The following ARHGAP15 variants were observed in gnomAD, a reference collection of about 807,000 sequenced individuals.
ARHGAP15 encodes Rho GTPase activating protein 15.
Under a neutral mutation model 63.7 loss-of-function variants are expected in ARHGAP15, and 51 were observed. The ratio of observed to expected loss-of-function variants is 0.80; its 90% CI spans 0.64 to 1.01. The LOEUF (loss-of-function observed/expected upper bound fraction) is 1.01. ARHGAP15 is among the 50% of genes least tolerant of loss of function. The pLI, the probability that ARHGAP15 is intolerant of heterozygous loss-of-function variation, is 0.00. For missense variants in ARHGAP15, 560 were observed against 564.6 expected (o/e 0.99, Z 0.08); for synonymous variants, 191 against 193.8 (o/e 0.99, Z 0.12).
At chr2:143,661,757 C>G (rs1681795989) in intron 12 of ARHGAP15, among the ~76,000 whole-genome samples, 1 of 152,204 alleles carries the variant, frequency 6.6e-6, no homozygotes, top group African/African-American at 2.4e-5. Context: ...CATTGCCTCA[C>G]TTGGGAAGCG....
chr2:143,327,327 T>C (rs1053146079), intron 6 of ARHGAP15, among the ~76,000 whole-genome samples: 4 of 152,206 alleles, frequency 2.6e-5, no homozygotes, highest in African/African-American at 9.7e-5. Context: ...CGGCCCAAAG[T>C]AATTTATGGA....
intron 12 of ARHGAP15, among the ~76,000 whole-genome samples, chr2:143,627,282 G>T (rs978355518): frequency 1.3e-5 from 2 of 152,150 alleles, no homozygotes; most frequent in Non-Finnish European, 2.9e-5. Context: ...AAAACAGAGG[G>T]ATCAACCAAC....
chr2:143,678,807 A>G (rs778798278), intron 12 of ARHGAP15, among the ~76,000 whole-genome samples: 1 of 152,158 alleles, frequency 6.6e-6, no homozygotes, highest in Non-Finnish European at 1.5e-5. Context: ...AACTTCACTG[A>G]TTGTATTTTC....
At chr2:143,192,080 T>C (rs1201329435) in intron 2 of ARHGAP15, among the ~76,000 whole-genome samples, 1 of 152,262 alleles carries the variant, frequency 6.6e-6, no homozygotes, top group Non-Finnish European at 1.5e-5. Flanking sequence ...TAGTCTTGAC[T>C]TCAAACAGTA....
intron 1 of ARHGAP15, among the ~76,000 whole-genome samples, chr2:143,136,695 A>C (rs1038064542): frequency 5.9e-5 from 9 of 152,096 alleles, no homozygotes; most frequent in African/African-American, 2.2e-4. Context: ...GAAAGAGAAA[A>C]TGTAATAAAT....
rs970470604 is a variant in ARHGAP15 at position 143,374,571 on chromosome 2, C to T, written c.475-61030C>T. On this transcript the variant is annotated intron_variant, in intron 6 of 13. Coordinates refer to ENST00000295095, the MANE Select transcript of ARHGAP15 (RefSeq NM_018460.4). ...TCAGGCTGAATTGCAGTGATGTGAT[C>T]TTGGCTCACTGCAGCCTCAACTCCC... 5.9e-5 allele frequency among the ~76,000 whole-genome samples: 9 copies of T among 152,194 alleles called. No individual in the cohort carries two copies. The East Asian group carries it at 1.7e-3, about 29-fold the overall frequency.
intron 6 of ARHGAP15, among the ~76,000 whole-genome samples, chr2:143,418,745 AG>A (rs1436601254): frequency 6.6e-6 from 1 of 152,172 alleles, no homozygotes; most frequent in Non-Finnish European, 1.5e-5. Flanking sequence ...TTTGAATTGC[AG>A]GGGCCCATTA....
rs13035524 is a variant in ARHGAP15 at position 143,429,365 on chromosome 2, C to T, written c.475-6236C>T. ...TTATGCAGAACAAATCTCTGTTGTA[C>T]GAATGCATGGACAAAATTATTTGGG... On this transcript the variant is annotated intron_variant, in intron 6 of 13. Transcript: ENST00000295095. 2.6e-3 allele frequency among the ~76,000 whole-genome samples: 399 copies of T among 151,882 alleles called. 1 individual carries two copies. The highest frequency in any genetic ancestry group is 6.8e-3 in the Middle Eastern group (2 of 294).
In ARHGAP15 at chr2:143,156,695, C is replaced by T. The variant is rs888143699; in HGVS notation, c.165+1040C>T. 2.0e-5 allele frequency among the ~76,000 whole-genome samples: 3 copies of T among 151,914 alleles called. No homozygotes were observed. The South Asian group carries it at 6.2e-4, about 31-fold the overall frequency. ...TATGTGATTTTAATCATTCTTTCCT[C>T]AGGTGTTGTAGACAAATTTAGCATG... is the stretch of plus-strand genomic sequence containing the variant. On this transcript the variant is annotated intron_variant, in intron 2 of 13. Coordinates refer to ENST00000295095, the MANE Select transcript of ARHGAP15 (RefSeq NM_018460.4).
chr2:143,543,925 C>G (rs956397824), intron 10 of ARHGAP15, among the ~76,000 whole-genome samples: 1 of 152,082 alleles, frequency 6.6e-6, no homozygotes, highest in African/African-American at 2.4e-5. Flanking sequence ...TTAGGTCTCT[C>G]CTAGACCACT....
At chr2:143,338,678 A>G (rs1361465511) in intron 6 of ARHGAP15, among the ~76,000 whole-genome samples, 1 of 152,154 alleles carries the variant, frequency 6.6e-6, no homozygotes, top group Non-Finnish European at 1.5e-5. Flanking sequence ...CAAACTCTTT[A>G]AGGTAAAATC....
chr2:143,479,308 T>C (rs1442356259), intron 8 of ARHGAP15, among the ~76,000 whole-genome samples: 1 of 151,754 alleles, frequency 6.6e-6, no homozygotes, highest in African/African-American at 2.4e-5. Flanking sequence ...ACCTCTCTGG[T>C]GGAATTACCA....
At chr2:143,432,941 C>T (rs1338265811) in intron 6 of ARHGAP15, among the ~76,000 whole-genome samples, 1 of 151,936 alleles carries the variant, frequency 6.6e-6, no homozygotes, top group South Asian at 2.1e-4. Context: ...TCCCCTTACC[C>T]CAGCATCTGT....
chr2:143,649,137 T>C (rs575247235), intron 12 of ARHGAP15, among the ~76,000 whole-genome samples: 8 of 151,866 alleles, frequency 5.3e-5, no homozygotes, highest in Admixed American at 1.3e-4. Flanking sequence ...GCAAAACCTC[T>C]CTCTAGCAAC....
At chr2:143,695,621 A>C (rs1202084294) in intron 12 of ARHGAP15, among the ~76,000 whole-genome samples, 1 of 152,112 alleles carries the variant, frequency 6.6e-6, no homozygotes, top group African/African-American at 2.4e-5. Flanking sequence ...GTATCCCAAC[A>C]CTTTGGAAGG....
intron 11 of ARHGAP15, among the ~76,000 whole-genome samples, chr2:143,606,503 C>T (rs1698037069): frequency 6.6e-6 from 1 of 152,142 alleles, no homozygotes; most frequent in Admixed American, 6.5e-5. Context: ...GCCTTTTTAA[C>T]ACCCCAGTCT....
chr2:143,341,268 A>C (rs1028870304), intron 6 of ARHGAP15, among the ~76,000 whole-genome samples: 2 of 152,072 alleles, frequency 1.3e-5, no homozygotes, highest in African/African-American at 4.8e-5. Flanking sequence ...CCTGAACCAT[A>C]GCCTACTCAT....
chr2:143,558,040 G>A (rs1695880617), intron 11 of ARHGAP15, among the ~76,000 whole-genome samples: 1 of 152,028 alleles, frequency 6.6e-6, no homozygotes, highest in Non-Finnish European at 1.5e-5. Context: ...ATGACACTTA[G>A]GAATGTGACA....
In ARHGAP15 at chr2:143,621,258, T is replaced by A. The variant is rs575897312; in HGVS notation, c.1004-2875T>A. 3.3e-5 allele frequency among the ~76,000 whole-genome samples: 5 copies of A among 152,296 alleles called. No individual in the cohort carries two copies. In the East Asian group the frequency reaches 9.6e-4, roughly 29 times the overall value. The stretch of plus-strand genomic sequence containing the variant: ...ATAGTGTGGTGCTTTTGAGAAACTC[T>A]ACTCTATTAGAAAAGGGAAAAGTAT... On this transcript the variant is annotated intron_variant, in intron 11 of 13. Coordinates refer to ENST00000295095, the MANE Select transcript of ARHGAP15 (RefSeq NM_018460.4).
Sources: gnomAD v4.1 joint callset for allele counts (sites outside exome capture counted in the v4.1 genomes callset) on GRCh38, gnomAD v4.1.1 for gene constraint, MANE v1.5 for transcripts, NCBI Gene and HGNC (gene_info 2026-07-23, HGNC 2026-07-21) for gene names.